The following PTPRN2 variants were observed in gnomAD, a reference collection of about 807,000 sequenced individuals.
The protein encoded by PTPRN2 is protein tyrosine phosphatase receptor type N2.
A neutral mutation model predicts 118.8 loss-of-function variants in PTPRN2; 74 were observed. The ratio of observed to expected loss-of-function variants is 0.62; its 90% CI spans 0.52 to 0.76. PTPRN2 has a LOEUF of 0.76. Ranked by LOEUF, PTPRN2 falls within the 30% of genes least tolerant of loss-of-function variation. PTPRN2 has a pLI of 0.00. For synonymous variants in PTPRN2, 641 were observed against 608.0 expected, an observed-to-expected ratio of 1.05 and a Z score of -0.80; for missense variants, 1,481 against 1,394.4, an observed-to-expected ratio of 1.06 and a Z score of -0.99.
intron 2 of PTPRN2, among the ~76,000 whole-genome samples, chr7:158,341,263 T>TTCACACCCACACGTCAC (rs1806705309): frequency 8.9e-6 from 1 of 112,148 alleles, no homozygotes; most frequent in African/African-American, 3.4e-5. Flanking sequence ...GCAGACGTCA[T>TTCACACCCACACGTCAC]TCACACCCAC....
chr7:157,604,314 C>A (rs1801878165), intron 15 of PTPRN2, among the ~76,000 whole-genome samples: 1 of 152,224 alleles, frequency 6.6e-6, no homozygotes. Context: ...TGCTCACACC[C>A]TTCTGAATGT....
rs548038228 is a variant in PTPRN2, at chr7:157,997,001, G to A, written c.1723+84297C>T. 1.9e-3 allele frequency among the ~76,000 whole-genome samples: 290 copies of A among 152,348 alleles called. 3 individuals carry two copies. Among genetic ancestry groups the A allele is most frequent in the Non-Finnish European group, 3.3e-3 (227 of 68,024 alleles). ...CATCTGTCACCAAGCTCTAAGTCCT[G>A]CTGTCTGCTCAACAGGCATGAGGAG... On this transcript the variant is annotated intron_variant, in intron 11 of 22. Coordinates refer to ENST00000389418, the MANE Select transcript of PTPRN2 (RefSeq NM_002847.5).
At chr7:157,726,620 A>G (rs1799616317) in intron 12 of PTPRN2, among the ~76,000 whole-genome samples, 1 of 152,260 alleles carries the variant, frequency 6.6e-6, no homozygotes, top group Non-Finnish European at 1.5e-5. Context: ...TATAACACCA[A>G]AAACACAGGC....
chr7:157,846,491 G>A (rs1273464306), intron 12 of PTPRN2, among the ~76,000 whole-genome samples: 3 of 151,670 alleles, frequency 2.0e-5, no homozygotes, highest in Non-Finnish European at 1.5e-5. Context: ...GCTGCTGTGG[G>A]GCGTCCCCAC....
intron 12 of PTPRN2, among the ~76,000 whole-genome samples, chr7:157,793,335 G>T (rs1804642958): frequency 6.6e-6 from 1 of 152,080 alleles, no homozygotes; most frequent in South Asian, 2.1e-4. Flanking sequence ...GATGACCCTC[G>T]CGGCGGTGAT....
chr7:157,737,113 T>C (rs1027716230), intron 12 of PTPRN2, among the ~76,000 whole-genome samples: 3 of 152,180 alleles, frequency 2.0e-5, no homozygotes, highest in African/African-American at 7.2e-5. Context: ...TGCAGCTGTA[T>C]TTATTTCACA....
At chr7:158,001,105 GTGC>G in intron 11 of PTPRN2, among the ~76,000 whole-genome samples, 1 of 90,416 alleles carries the variant, frequency 1.1e-5, no homozygotes. Flanking sequence ...CGCAGGTGGG[GTGC>G]AGGGTGGGGG....
At chr7:158,203,696 T>A (rs921649541) in intron 4 of PTPRN2, among the ~76,000 whole-genome samples, 1 of 152,158 alleles carries the variant, frequency 6.6e-6, no homozygotes, top group African/African-American at 2.4e-5. Flanking sequence ...ATCCCTATAC[T>A]TGATGGAGTT....
chr7:157,733,849 T>C (rs1475234351), intron 12 of PTPRN2, among the ~76,000 whole-genome samples: 6 of 30,694 alleles, frequency 2.0e-4, no homozygotes, highest in East Asian at 7.5e-4. Context: ...TACTCTTCCG[T>C]CCCATGCGCC....
intron 4 of PTPRN2, among the ~76,000 whole-genome samples, chr7:158,199,983 T>A (rs1469979344): frequency 6.6e-6 from 1 of 152,000 alleles, no homozygotes; most frequent in African/African-American, 2.4e-5. Context: ...TGGCCACAAA[T>A]TAAATCCAAA....
chr7:157,730,738 C>T (rs141720313), intron 12 of PTPRN2, among the ~76,000 whole-genome samples: 22 of 152,290 alleles, frequency 1.4e-4, no homozygotes, highest in African/African-American at 4.3e-4. Flanking sequence ...GGGACAGAGC[C>T]GGCCCTCCCA....
chr7:158,313,260 G>A (rs1016746595), intron 3 of PTPRN2, among the ~76,000 whole-genome samples: 1 of 152,152 alleles, frequency 6.6e-6, no homozygotes. Flanking sequence ...CTGCCACAGG[G>A]TCGTCCTCCT....
chr7:158,125,930 G>A (rs1180636661), intron 9 of PTPRN2, among the ~76,000 whole-genome samples: 3 of 152,166 alleles, frequency 2.0e-5, no homozygotes, highest in African/African-American at 4.8e-5. Flanking sequence ...CGCTCTTCTC[G>A]CTGAACCCCT....
chr7:157,797,259 C>G (rs1175063931), intron 12 of PTPRN2, among the ~76,000 whole-genome samples: 1 of 152,226 alleles, frequency 6.6e-6, no homozygotes, highest in Non-Finnish European at 1.5e-5. Flanking sequence ...CCAGGCAGCC[C>G]CAAAGGCTAT....
At chr7:157,557,706 A>G (rs967907417) in intron 21 of PTPRN2, among the ~76,000 whole-genome samples, 1 of 152,134 alleles carries the variant, frequency 6.6e-6, no homozygotes, top group African/African-American at 2.4e-5. Context: ...ATGTTGTAAC[A>G]TATTGCTGGG....
At chr7:158,350,331 G>A (rs1034638252) in intron 2 of PTPRN2, among the ~76,000 whole-genome samples, 2 of 152,210 alleles carry the variant, frequency 1.3e-5, no homozygotes, top group Non-Finnish European at 2.9e-5. Flanking sequence ...GGCAGGACTG[G>A]CTGGTTGCCG....
chr7:157,949,560 C>T (rs532656481), intron 11 of PTPRN2, among the ~76,000 whole-genome samples: 11 of 152,198 alleles, frequency 7.2e-5, no homozygotes, highest in Admixed American at 2.6e-4. Flanking sequence ...CAGACACTGG[C>T]GGCTGAGTCA....
intron 12 of PTPRN2, among the ~76,000 whole-genome samples, chr7:157,847,115 C>T (rs1430143539): frequency 7.2e-6 from 1 of 139,814 alleles, no homozygotes; most frequent in African/African-American, 2.7e-5. Context: ...ATCATGTGTG[C>T]CCGATGTCTA....
intron 2 of PTPRN2, among the ~76,000 whole-genome samples, chr7:158,461,909 T>C (rs1444499664): frequency 1.8e-5 from 1 of 55,216 alleles, no homozygotes; most frequent in Non-Finnish European, 3.8e-5. Context: ...ACTGGCATAT[T>C]TGTGACTTCC....
Sources: gnomAD v4.1 joint callset for allele counts (sites outside exome capture counted in the v4.1 genomes callset) on GRCh38, gnomAD v4.1.1 for gene constraint, MANE v1.5 for transcripts, NCBI Gene and HGNC (gene_info 2026-07-23, HGNC 2026-07-21) for gene names.